FMN1: variants seen among roughly 807,000 people sequenced by gnomAD.
FMN1 encodes formin 1, also known as formin-1.
In FMN1, 110 loss-of-function variants were observed where a neutral mutation model predicts 132.4. The observed-to-expected ratio is 0.83, with a 90% CI of 0.71 to 0.97. The LOEUF (loss-of-function observed/expected upper bound fraction) is 0.97, where lower values mean the gene tolerates loss of function less well. FMN1 is among the 50% of genes least tolerant of loss of function. The pLI, the probability that FMN1 is intolerant of heterozygous loss-of-function variation, is 0.00. For missense variants in FMN1, 1,792 were observed against 1,705.3 expected (o/e 1.05, Z -0.90); for synonymous variants, 722 against 651.7 (o/e 1.11, Z -1.64).
chr15:32,923,482 G>T (rs758677532), intron 10 of FMN1, among the ~76,000 whole-genome samples: 15 of 152,210 alleles, frequency 9.9e-5, no homozygotes, highest in Non-Finnish European at 1.8e-4. Context: ...GAATGGAGAT[G>T]ATTTTTTAGA....
chr15:33,102,636 G>A (rs2039337673), intron 4 of FMN1, among the ~76,000 whole-genome samples: 1 of 152,010 alleles, frequency 6.6e-6, no homozygotes, highest in South Asian at 2.1e-4. Context: ...ACAATGGCAG[G>A]AAAAGCCCAT....
chr15:32,831,413 G>C (rs528268611), intron 17 of FMN1, among the ~76,000 whole-genome samples: 1 of 152,178 alleles, frequency 6.6e-6, no homozygotes, highest in African/African-American at 2.4e-5. Context: ...ATGGAAGCTT[G>C]GGAAGTTTTT....
At chr15:32,948,600 G>C (rs1470801428) in intron 9 of FMN1, among the ~76,000 whole-genome samples, 1 of 151,856 alleles carries the variant, frequency 6.6e-6, no homozygotes, top group Non-Finnish European at 1.5e-5. Flanking sequence ...TGACTGTTTT[G>C]ATCATTCACA....
chr15:32,964,442 A>G (rs2030984794), intron 8 of FMN1, among the ~76,000 whole-genome samples, 185 bp from the exon 9 acceptor site: 1 of 152,252 alleles, frequency 6.6e-6, no homozygotes, highest in Non-Finnish European at 1.5e-5. Flanking sequence ...ACTATAGAAC[A>G]TTAAAACACA....
intron 9 of FMN1, among the ~76,000 whole-genome samples, chr15:32,958,737 A>C (rs1019375198): frequency 1.3e-5 from 2 of 152,164 alleles, no homozygotes; most frequent in African/African-American, 4.8e-5. Context: ...GATGAAGACC[A>C]GCTCTATTTA....
At chr15:32,979,482 G>T (rs1416589464) in intron 7 of FMN1, among the ~76,000 whole-genome samples, 1 of 150,926 alleles carries the variant, frequency 6.6e-6, no homozygotes, top group East Asian at 1.9e-4. Flanking sequence ...CGTGAACCCG[G>T]GAGGCGGAGC....
At chr15:32,838,705 C>T (rs2141200501) in intron 17 of FMN1, among the ~76,000 whole-genome samples, 1 of 152,354 alleles carries the variant, frequency 6.6e-6, no homozygotes, top group East Asian at 1.9e-4. Context: ...CTTGGTCCTA[C>T]TTCCTGCTCA....
chr15:33,068,854 G>A (rs553979306), intron 5 of FMN1, among the ~76,000 whole-genome samples: 15 of 152,132 alleles, frequency 9.9e-5, no homozygotes, highest in Admixed American at 3.9e-4. Flanking sequence ...CCCAGGCTCC[G>A]CAGGAATGAT....
intron 6 of FMN1, among the ~76,000 whole-genome samples, chr15:33,032,240 C>T (rs569771229): frequency 1.3e-5 from 2 of 152,290 alleles, no homozygotes; most frequent in South Asian, 2.1e-4. Flanking sequence ...GCATGCAACA[C>T]TAAACGAGTA....
intron 6 of FMN1, among the ~76,000 whole-genome samples, chr15:33,048,481 T>G (rs2036793517): frequency 6.6e-6 from 1 of 151,752 alleles, no homozygotes; most frequent in African/African-American, 2.4e-5. Flanking sequence ...AGGATATTTA[T>G]GCACTAAAAG....
intron 5 of FMN1, among the ~76,000 whole-genome samples, chr15:33,070,339 C>G (rs1343750064): frequency 6.6e-6 from 1 of 151,024 alleles, no homozygotes; most frequent in African/African-American, 2.4e-5. Context: ...TGCAGATCAT[C>G]CAATTCTAAT....
chr15:32,820,598 C>T (rs2141099913), intron 17 of FMN1, among the ~76,000 whole-genome samples: 1 of 152,208 alleles, frequency 6.6e-6, no homozygotes. Context: ...CTGAGTGTCC[C>T]TGTGCAAACA....
rs539970668 is a variant in FMN1 at position 33,127,846 on chromosome 15, A to G, written c.1867+25202T>C. Among the ~76,000 whole-genome samples the G allele has an allele frequency of 3.9e-5, 6 of 152,320 alleles. No individual in the cohort carries two copies. The South Asian group carries it at 8.3e-4, about 21-fold the overall frequency. ...AGTCTCCCTGAAAAATTCTGTTGGT[A>G]AGAGAGAAGTGAGACAGTGCTGTTT... On this transcript the variant is annotated intron_variant, in intron 4 of 20. Transcript: ENST00000616417.
At chr15:32,872,135 G>C (rs564363607) in intron 16 of FMN1, among the ~76,000 whole-genome samples, 2 of 152,140 alleles carry the variant, frequency 1.3e-5, no homozygotes, top group African/African-American at 4.8e-5. Flanking sequence ...GAACTTGGGG[G>C]AAGTGTACAG....
intron 6 of FMN1, among the ~76,000 whole-genome samples, chr15:33,025,933 C>T (rs535756303): frequency 6.6e-6 from 1 of 152,158 alleles, no homozygotes; most frequent in African/African-American, 2.4e-5. Context: ...CATTTTCCTA[C>T]ATTAAACTAG....
At chr15:32,803,837 G>A (rs970538595) in intron 18 of FMN1, among the ~76,000 whole-genome samples, 11 of 152,190 alleles carry the variant, frequency 7.2e-5, no homozygotes, top group South Asian at 2.1e-4. Context: ...ACGCATGTGA[G>A]GCAGGTGAGT....
At chr15:33,000,884 A>G (rs1330767674) in intron 7 of FMN1, among the ~76,000 whole-genome samples, 3 of 152,226 alleles carry the variant, frequency 2.0e-5, no homozygotes, top group Non-Finnish European at 4.4e-5. Flanking sequence ...TCAAAGTATC[A>G]CTGTTCAGTG....
chr15:32,838,233 G>A lies in FMN1; in HGVS notation c.3928+18782C>T, dbSNP rs117197404. 4.0e-4 allele frequency among the ~76,000 whole-genome samples: 61 copies of A among 151,972 alleles called. No homozygotes were observed. In the East Asian group the frequency reaches 4.8e-3, roughly 12 times the overall value. ...CAGAAAGCTATGAAAGAAGGCAGAC[G>A]CTCAAACCGAGGTAAGAGAGAAAAA... is the stretch of plus-strand genomic sequence containing the variant. On this transcript the variant is annotated intron_variant, in intron 17 of 20. Coordinates refer to ENST00000616417, the MANE Select transcript of FMN1 (RefSeq NM_001277313.2).
intron 17 of FMN1, among the ~76,000 whole-genome samples, chr15:32,856,280 TGCA>T (rs1187381772): frequency 2.0e-4 from 31 of 152,238 alleles, no homozygotes; most frequent in Admixed American, 1.9e-3. Context: ...AAAAGCTGCC[TGCA>T]ACAACCCCAC....
Sources: gnomAD v4.1 joint callset for allele counts (sites outside exome capture counted in the v4.1 genomes callset) on GRCh38, gnomAD v4.1.1 for gene constraint, MANE v1.5 for transcripts, NCBI Gene and HGNC (gene_info 2026-07-23, HGNC 2026-07-21) for gene names.